The following LRSAM1 variants were observed in gnomAD, a reference collection of about 807,000 sequenced individuals.
LRSAM1 encodes the protein leucine rich repeat and sterile alpha motif containing 1, also known as E3 ubiquitin-protein ligase LRSAM1.
In LRSAM1, 96 loss-of-function variants were observed where a neutral mutation model predicts 118.1. The ratio of observed to expected loss-of-function variants is 0.81; its 90% CI spans 0.69 to 0.96. The LOEUF (loss-of-function observed/expected upper bound fraction) is 0.96, where lower values mean the gene tolerates loss of function less well. Among genes scored for constraint, LRSAM1 ranks in the 40% least tolerant of loss-of-function variants. The pLI is 0.00. For missense variants in LRSAM1, 804 were observed against 915.5 expected (o/e 0.88, Z 1.57); for synonymous variants, 322 against 364.2 (o/e 0.88, Z 1.32).
intron 1 of LRSAM1, 28 bp downstream of exon 1, chr9:127,451,697 C>A: frequency 3.5e-6 from 1 of 282,756 alleles, no homozygotes; most frequent in East Asian, 7.0e-5. Flanking sequence ...CCCCGTCACC[C>A]AATCCCAGAG....
At chr9:127,455,549 CACTT>C (rs1459020615) in intron 4 of LRSAM1, 23 bp from the exon 5 acceptor site, 18 of 1,613,088 alleles carry the variant, frequency 1.1e-5, no homozygotes, top group African/African-American at 2.7e-5. Context: ...GGAGGGGAGA[CACTT>C]ACTCTTCTTT....
At position 127,491,263 on chromosome 9, in the gene LRSAM1, A is replaced by C. The variant is rs1835922273; in HGVS notation, c.1471A>C (p.Lys491Gln). The change falls in exon 20 of 26, where the codon AAG (lysine) becomes CAG (glutamine). Residue 491 changes from lysine to glutamine, a missense_variant. Physicochemically the swap from Lys to Gln is moderately conservative, Grantham distance 53. Transcript: ENST00000300417. ...ATTGCAGCTGACACAGCTGGAGTTA[A>C]AGAGGAAGTCCCTGGACACAGAGTC... ...ELLQLTQLEL[K>Q]RKSLDTESLQ... The C allele has an allele frequency of 6.2e-7, 1 of 1,613,790 alleles. No individual in the cohort carries two copies. Among genetic ancestry groups the C allele is most frequent in the South Asian group, 1.1e-5 (1 of 91,092 alleles).
chr9:127,468,124 A>C (rs964710578), intron 10 of LRSAM1, among the ~76,000 whole-genome samples: 4 of 152,164 alleles, frequency 2.6e-5, no homozygotes, highest in Non-Finnish European at 2.9e-5. Context: ...GATCTAGAAA[A>C]AGCAGAAAGC....
In LRSAM1 at chr9:127,473,894, C is replaced by G. The variant is rs1368368134; in HGVS notation, c.713C>G (p.Pro238Arg). 6.2e-7 allele frequency: 1 copy of G among 1,614,220 alleles called. No homozygotes were observed. Among genetic ancestry groups the G allele is most frequent in the Admixed American group, 1.7e-5 (1 of 60,026 alleles). The change falls in exon 11 of 26, where the codon CCC becomes CGC. Residue 238 changes from proline to arginine, a missense_variant. Coordinates refer to ENST00000300417, the MANE Select transcript of LRSAM1 (RefSeq NM_001005373.4). ...AACTCTCGGGACAGCCCTGATGGGC[C>G]CACGGACAGATTCTCAAGGGAGGAG... ...IENSRDSPDG[P>R]TDRFSREELE...
chr9:127,467,789 G>A lies in LRSAM1; in HGVS notation c.578G>A (p.Cys193Tyr), dbSNP rs755362254. ...SAMVYPPREV[C>Y]GAGTAAILQF... ...ATGGTCTACCCGCCGCGGGAGGTGT[G>A]TGGTGCCGGCACTGCGGCCATCTTG... The change falls in exon 10 of 26, where the codon TGT becomes TAT. Residue 193 changes from cysteine to tyrosine, a missense_variant. Transcript: ENST00000300417. The A allele has an allele frequency of 1.4e-5, 22 of 1,609,908 alleles. 1 individual carries two copies. In the Middle Eastern group the frequency reaches 6.6e-4, roughly 48 times the overall value.
At chr9:127,475,455 C>A (rs1464893865) in intron 11 of LRSAM1, among the ~76,000 whole-genome samples, 1 of 152,058 alleles carries the variant, frequency 6.6e-6, no homozygotes, top group Non-Finnish European at 1.5e-5. Flanking sequence ...TGCGCCACTG[C>A]ACTCCAGCCT....
At chr9:127,480,083 G>A (rs768290843) in intron 14 of LRSAM1, 105 bp downstream of exon 14, 25 of 1,509,280 alleles carry the variant, frequency 1.7e-5, no homozygotes, top group South Asian at 3.4e-5. Flanking sequence ...CCCCTGCCCC[G>A]GGCTTCCCTT....
At chr9:127,482,051 T>C (rs553023644) in intron 15 of LRSAM1, among the ~76,000 whole-genome samples, 3 of 152,214 alleles carry the variant, frequency 2.0e-5, no homozygotes, top group African/African-American at 4.8e-5. Context: ...AAATGTCTTA[T>C]TGAATAATAT....
chr9:127,499,524 C>T (rs10987670), intron 24 of LRSAM1, among the ~76,000 whole-genome samples: 17,323 of 112,790 alleles, frequency 0.15, 1,471 homozygotes, highest in Admixed American at 0.33. Context: ...GAGCAAGACC[C>T]TGTCTAAAAA....
chr9:127,500,211 A>ATT (rs1206662691), intron 24 of LRSAM1, among the ~76,000 whole-genome samples: 1 of 151,640 alleles, frequency 6.6e-6, no homozygotes, highest in African/African-American at 2.4e-5. Context: ...AGATACAAAA[A>ATT]TTAGCCTGTC....
At chr9:127,496,422 G>A (rs970462283) in intron 23 of LRSAM1, among the ~76,000 whole-genome samples, 3 of 152,144 alleles carry the variant, frequency 2.0e-5, no homozygotes, top group South Asian at 2.1e-4. Flanking sequence ...ACAAACTGTC[G>A]TGGCCACAGC....
At position 127,465,479 on chromosome 9, in the gene LRSAM1, C is replaced by T. The variant is rs901240978; in HGVS notation, c.529-2261C>T. 6.6e-6 allele frequency among the ~76,000 whole-genome samples: 1 copy of T among 152,254 alleles called. No homozygotes were observed. Among genetic ancestry groups the T allele is most frequent in the Admixed American group, 6.5e-5 (1 of 15,290 alleles). ...CACAGTCCGTGCCCTTAAGCCACCA[C>T]GCTTTACTGATGGTGACTAAGAGCA... On this transcript the variant is annotated intron_variant, in intron 9 of 25. Coordinates refer to ENST00000300417, the MANE Select transcript of LRSAM1 (RefSeq NM_001005373.4). This position sits in a 1 kb window ranked among gnomAD's most constrained non-coding sequence, Gnocchi z 4.1.
chr9:127,473,091 A>G (rs113960676), intron 10 of LRSAM1, among the ~76,000 whole-genome samples: 2 of 152,220 alleles, frequency 1.3e-5, no homozygotes, highest in African/African-American at 4.8e-5. Context: ...AGAGCCCATT[A>G]TTATTCTAAT....
chr9:127,474,112 G>T (rs1355827126), intron 11 of LRSAM1, among the ~76,000 whole-genome samples, 181 bp downstream of exon 11: 1 of 152,138 alleles, frequency 6.6e-6, no homozygotes, highest in Non-Finnish European at 1.5e-5. Context: ...TGCTGTGGCA[G>T]CCTCACCCCA....
chr9:127,489,156 CTG>C (rs1564277269), intron 18 of LRSAM1, among the ~76,000 whole-genome samples: 1 of 152,182 alleles, frequency 6.6e-6, no homozygotes, highest in African/African-American at 2.4e-5. Flanking sequence ...ATTCATGCCT[CTG>C]AGTGTCACTC....
At chr9:127,456,067 T>G (rs1379888698) in intron 5 of LRSAM1, among the ~76,000 whole-genome samples, 2 of 151,210 alleles carry the variant, frequency 1.3e-5, no homozygotes, top group African/African-American at 2.4e-5. Flanking sequence ...CCAGGGGAGA[T>G]TCAGAGGGGA....
intron 8 of LRSAM1, 83 bp from the exon 9 acceptor site, chr9:127,462,169 C>T: frequency 6.3e-7 from 1 of 1,595,458 alleles, no homozygotes. Flanking sequence ...CCCTAGAGGT[C>T]AGAGTGGCTC....
At chr9:127,457,456 C>A in intron 6 of LRSAM1, 63 bp downstream of exon 6, 1 of 1,527,342 alleles carries the variant, frequency 6.5e-7, no homozygotes, top group Non-Finnish European at 9.0e-7. Flanking sequence ...CAGCTGAGCG[C>A]CTGCTCCTTT....
chr9:127,484,260 TC>T lies in LRSAM1; in HGVS notation c.1159+1243del, dbSNP rs1223745832. On this transcript the variant is annotated intron_variant, in intron 16 of 25. Coordinates refer to ENST00000300417, the MANE Select transcript of LRSAM1 (RefSeq NM_001005373.4). The stretch of plus-strand genomic sequence containing the variant: ...GTTATAGCATGTGTTTGAATTTCTT[TC>T]CCTTTTTTTTTTTTTTTTTCCTGCT... Among the ~76,000 whole-genome samples, 48 of 112,246 alleles carry T rather than the reference TC, an allele frequency of 4.3e-4. 1 individual carries two copies. The highest frequency in any genetic ancestry group is 1.6e-3 in the African/African-American group (47 of 28,688). The allele number at this position is 112,246 out of a possible 152,430, so 73.6% of individuals were successfully genotyped here.
Sources: gnomAD v4.1 joint callset for allele counts (sites outside exome capture counted in the v4.1 genomes callset) on GRCh38, gnomAD v4.1.1 for gene constraint, Gnocchi (gnomAD v3.1) non-coding constraint, MANE v1.5 for transcripts, NCBI Gene and HGNC (gene_info 2026-07-23, HGNC 2026-07-21) for gene names.